KIFAP3: variants seen among roughly 807,000 people sequenced by gnomAD.
KIFAP3 encodes the protein kinesin-associated protein 3.
KIFAP3 carries 68 observed loss-of-function variants against 106.5 expected under a neutral mutation model. That is an observed-to-expected ratio of 0.64 (90% confidence interval 0.53 to 0.78). The LOEUF (loss-of-function observed/expected upper bound fraction) is 0.78, where lower values mean the gene tolerates loss of function less well. Among genes scored for constraint, KIFAP3 ranks in the 30% least tolerant of loss-of-function variants. The probability of loss-of-function intolerance (pLI) is 0.00; values close to 1 mark genes in which losing one functional copy is unlikely to be tolerated. For synonymous variants in KIFAP3, 320 were observed against 311.5 expected (o/e 1.03, Z -0.29); for missense variants, 780 against 941.8 (o/e 0.83, Z 2.25).
At chr1:169,998,211 C>T (rs936361350) in intron 10 of KIFAP3, among the ~76,000 whole-genome samples, 2 of 151,986 alleles carry the variant, frequency 1.3e-5, no homozygotes, top group Non-Finnish European at 2.9e-5. Flanking sequence ...AAAGAACAGA[C>T]AGAAGTCTGA....
At chr1:169,984,108 AATAAAG>A (rs1298848721) in intron 12 of KIFAP3, among the ~76,000 whole-genome samples, 13 of 151,916 alleles carry the variant, frequency 8.6e-5, no homozygotes, top group African/African-American at 2.9e-4. Flanking sequence ...GATGGTAGGA[AATAAAG>A]ATTTAAATCT....
At chr1:170,029,152 C>G (rs1348467990) in intron 8 of KIFAP3, among the ~76,000 whole-genome samples, 2 of 152,120 alleles carry the variant, frequency 1.3e-5, no homozygotes, top group Non-Finnish European at 2.9e-5. Flanking sequence ...AAGAACACTT[C>G]ATACTGATAA....
At chr1:169,946,789 T>C (rs1368334652) in intron 19 of KIFAP3, among the ~76,000 whole-genome samples, 1 of 152,024 alleles carries the variant, frequency 6.6e-6, no homozygotes, top group African/African-American at 2.4e-5. Flanking sequence ...TTGAATCTTT[T>C]AGAAGGCTCC....
intron 19 of KIFAP3, among the ~76,000 whole-genome samples, chr1:169,930,911 CTTCTT>C (rs761207987): frequency 9.2e-6 from 1 of 109,238 alleles, no homozygotes; most frequent in Non-Finnish European, 1.7e-5. Context: ...TTTATTATTA[CTTCTT>C]TTTTTTTTTT....
chr1:169,973,561 CT>C (rs1666058900), intron 16 of KIFAP3, among the ~76,000 whole-genome samples: 1 of 150,480 alleles, frequency 6.6e-6, no homozygotes, highest in Non-Finnish European at 1.5e-5. Flanking sequence ...CTTCTTTGGT[CT>C]TTCTGGAAGA....
intron 3 of KIFAP3, chr1:170,041,533 A>C (rs1389192666): frequency 3.5e-6 from 2 of 573,218 alleles, no homozygotes; most frequent in East Asian, 5.6e-5. Flanking sequence ...GAACTCATAA[A>C]GGGATACCCC....
chr1:169,971,351 G>A (rs559767748), intron 17 of KIFAP3, among the ~76,000 whole-genome samples: 14 of 152,054 alleles, frequency 9.2e-5, no homozygotes, highest in African/African-American at 2.9e-4. Context: ...TAGTACATGA[G>A]CCATGAAATT....
At chr1:169,975,189 T>C (rs1666161644) in intron 16 of KIFAP3, among the ~76,000 whole-genome samples, 1 of 152,234 alleles carries the variant, frequency 6.6e-6, no homozygotes, top group East Asian at 1.9e-4. Flanking sequence ...GCCAACTGTA[T>C]TTTATTTCCC....
At chr1:170,015,084 T>A (rs935177948) in intron 10 of KIFAP3, among the ~76,000 whole-genome samples, 1 of 152,174 alleles carries the variant, frequency 6.6e-6, no homozygotes, top group Non-Finnish European at 1.5e-5. Context: ...ATATTATGTC[T>A]TATATCCCAA....
chr1:170,005,271 A>C (rs183530358), intron 10 of KIFAP3, among the ~76,000 whole-genome samples: 158 of 152,342 alleles, frequency 1.0e-3, no homozygotes, highest in African/African-American at 3.6e-3. Context: ...ACTGTAAACT[A>C]GTTCAACCAT....
At chr1:170,048,963 C>T (rs1188260122) in intron 2 of KIFAP3, among the ~76,000 whole-genome samples, 1 of 152,188 alleles carries the variant, frequency 6.6e-6, no homozygotes, top group Non-Finnish European at 1.5e-5. Flanking sequence ...GCCTGGAATC[C>T]CAGTGAGACA....
intron 1 of KIFAP3, among the ~76,000 whole-genome samples, chr1:170,083,069 A>C (rs545399721): frequency 3.8e-4 from 58 of 152,170 alleles, no homozygotes; most frequent in Non-Finnish European, 1.2e-4. Context: ...CCAGTTCTTA[A>C]AAAGGGGTTA....
intron 1 of KIFAP3, among the ~76,000 whole-genome samples, chr1:170,059,322 G>A (rs1454776876): frequency 6.6e-6 from 1 of 152,102 alleles, no homozygotes; most frequent in African/African-American, 2.4e-5. Flanking sequence ...AAATGATAAA[G>A]GGGATATCAC....
intron 3 of KIFAP3, among the ~76,000 whole-genome samples, chr1:170,044,461 T>C (rs1206590799): frequency 2.6e-5 from 4 of 152,182 alleles, no homozygotes; most frequent in African/African-American, 9.7e-5. Context: ...CTACTGTGAC[T>C]CTGAACTAGA....
At chr1:169,946,470 G>T (rs894268779) in intron 19 of KIFAP3, among the ~76,000 whole-genome samples, 1 of 152,010 alleles carries the variant, frequency 6.6e-6, no homozygotes, top group Admixed American at 6.5e-5. Context: ...CTAAAGTACA[G>T]TTCACTGATA....
At chr1:170,009,849 G>T (rs894167498) in intron 10 of KIFAP3, among the ~76,000 whole-genome samples, 1 of 152,038 alleles carries the variant, frequency 6.6e-6, no homozygotes, top group African/African-American at 2.4e-5. Flanking sequence ...TTTTTTTGAA[G>T]ATCTGATTCT....
chr1:170,007,167 A>G (rs926475006), intron 10 of KIFAP3, among the ~76,000 whole-genome samples: 6 of 152,092 alleles, frequency 3.9e-5, no homozygotes, highest in Admixed American at 1.3e-4. Context: ...CTGGAACTTG[A>G]CCAGAGTAGT....
At chr1:170,082,036 C>A (rs1311796747) in intron 1 of KIFAP3, among the ~76,000 whole-genome samples, 1 of 152,182 alleles carries the variant, frequency 6.6e-6, no homozygotes, top group African/African-American at 2.4e-5. Context: ...TTTATAGTTT[C>A]TTCAACAGTT....
At chr1:170,077,072 G>T (rs1240808653), upstream of KIFAP3, among the ~76,000 whole-genome samples, 1 of 152,012 alleles carries the variant, frequency 6.6e-6, no homozygotes, top group Admixed American at 6.6e-5. Flanking sequence ...CTGTACAAAC[G>T]CACCAATTAG....
Sources: gnomAD v4.1 joint callset for allele counts (sites outside exome capture counted in the v4.1 genomes callset) on GRCh38, gnomAD v4.1.1 for gene constraint, MANE v1.5 for transcripts, NCBI Gene and HGNC (gene_info 2026-07-23, HGNC 2026-07-21) for gene names.